The following UVSSA variants were observed in gnomAD, a reference collection of about 807,000 sequenced individuals.
UVSSA encodes the protein UV-stimulated scaffold protein A.
In UVSSA, 72 loss-of-function variants were observed where a neutral mutation model predicts 73.9. The observed-to-expected ratio is 0.97, with a 90% CI of 0.81 to 1.19. The LOEUF (loss-of-function observed/expected upper bound fraction) is 1.19, where lower values mean the gene tolerates loss of function less well. UVSSA is among the 50% of genes most tolerant of loss of function. The pLI is 0.00. For synonymous variants in UVSSA, 454 were observed against 391.3 expected, an observed-to-expected ratio of 1.16 and a Z score of -1.89; for missense variants, 1,150 against 965.0, an observed-to-expected ratio of 1.19 and a Z score of -2.54.
chr4:1,343,310 C>T (rs1174938215), upstream of UVSSA, among the ~76,000 whole-genome samples: 2 of 152,126 alleles, frequency 1.3e-5, no homozygotes, highest in Non-Finnish European at 2.9e-5. Flanking sequence ...ACGAGGACAT[C>T]AGTCCTATCA....
At chr4:1,394,428 A>C (rs1296591515) in exon 14 of UVSSA, 1 of 1,592,840 alleles carries the variant, frequency 6.3e-7, no homozygotes. Context: ...TCATTGATCT[A>C]CTTCTAGTTT....
At chr4:1,347,882 T>G (rs1450626914) in intron 1 of UVSSA, 122 bp downstream of exon 1, 3 of 553,606 alleles carry the variant, frequency 5.4e-6, no homozygotes, top group Non-Finnish European at 9.7e-6. Flanking sequence ...AGGTCCCGAG[T>G]TTAAGGTTCA....
chr4:1,380,991 A>C lies in UVSSA; in HGVS notation c.1861+3A>C. 1 of 1,611,398 alleles carries C rather than the reference A, an allele frequency of 6.2e-7. No individual in the cohort carries two copies. Among genetic ancestry groups the C allele is most frequent in the South Asian group, 1.1e-5 (1 of 90,928 alleles). On this transcript the variant is annotated splice_donor_region_variant and intron_variant, in intron 12 of 13. Transcript: ENST00000389851. ...GCTGCAGAAGCAGGAGCGCCCGGGT[A>C]GGTCTGGGCAAGGCGGTCACCGTGG...
chr4:1,394,031 G>C (rs1272400282), exon 14 of UVSSA: 2 of 242,662 alleles, frequency 8.2e-6, no homozygotes, highest in East Asian at 2.1e-4. Context: ...CGGTTCTGCT[G>C]ACACGCAGTT....
chr4:1,378,651 G>A (rs997511444), intron 10 of UVSSA, among the ~76,000 whole-genome samples: 2 of 152,168 alleles, frequency 1.3e-5, no homozygotes, highest in African/African-American at 4.8e-5. Context: ...TGGCTGCTGT[G>A]CGCCGGCTCC....
At chr4:1,378,653 G>A (rs923347531) in intron 10 of UVSSA, among the ~76,000 whole-genome samples, 13 of 152,322 alleles carry the variant, frequency 8.5e-5, no homozygotes, top group African/African-American at 2.2e-4. Flanking sequence ...GCTGCTGTGC[G>A]CCGGCTCCTG....
chr4:1,376,665 G>C lies in UVSSA; in HGVS notation c.1568+497G>C, dbSNP rs535161110. ...CCCTCACCGCACTGGCCTCTTCTCT[G>C]TGAAGCTGCAGCAGAAGGGGGCACA... On this transcript the variant is annotated intron_variant, in intron 10 of 13. Transcript: ENST00000389851. Among the ~76,000 whole-genome samples, 14 of 152,328 alleles carry C rather than the reference G, an allele frequency of 9.2e-5. No individual in the cohort carries two copies. The East Asian group carries it at 2.5e-3, about 27-fold the overall frequency.
chr4:1,373,102 C>T (rs1489578946), intron 8 of UVSSA, among the ~76,000 whole-genome samples: 1 of 152,240 alleles, frequency 6.6e-6, no homozygotes, highest in Non-Finnish European at 1.5e-5. Flanking sequence ...TGAACTTCTC[C>T]TTCGGCACTT....
Position 1,376,057 on chromosome 4 carries a change from CA to C in UVSSA, c.1458del (p.Gln487ArgfsTer97). On this transcript the variant is annotated frameshift_variant, in exon 10 of 14. Coordinates refer to ENST00000389851, the MANE Select transcript of UVSSA (RefSeq NM_020894.4). LOFTEE classifies it high-confidence loss of function. ...SASPSRALPE[P>X]QEAQKLAAER... ...AGCCCCTCCAGAGCGTTGCCAGAGC[CA>C]CAGGAGGCCCAGAAGCTGGCAGCAG... The C allele has an allele frequency of 6.3e-7, 1 of 1,599,772 alleles. No individual in the cohort carries two copies. The highest frequency in any genetic ancestry group is 8.5e-7 in the Non-Finnish European group (1 of 1,174,140).
At chr4:1,369,888 G>A (rs532812931) in intron 8 of UVSSA, among the ~76,000 whole-genome samples, 1 of 152,368 alleles carries the variant, frequency 6.6e-6, no homozygotes, top group South Asian at 2.1e-4. Flanking sequence ...GAGACGCCGT[G>A]CGGGCAAGGC....
At chr4:1,368,300 G>C (rs1560462027) in intron 8 of UVSSA, among the ~76,000 whole-genome samples, 1 of 152,264 alleles carries the variant, frequency 6.6e-6, no homozygotes, top group Non-Finnish European at 1.5e-5. Flanking sequence ...ACACATCTTA[G>C]ACGGGGTGAC....
chr4:1,383,653 A>G (rs541170656), intron 12 of UVSSA, 113 bp from the exon 13 acceptor site: 2 of 1,349,626 alleles, frequency 1.5e-6, no homozygotes, highest in East Asian at 2.3e-5. Context: ...GCCGTGGGCA[A>G]GGCGACCCAG....
At chr4:1,372,309 A>G (rs1718150164) in intron 8 of UVSSA, among the ~76,000 whole-genome samples, 1 of 152,180 alleles carries the variant, frequency 6.6e-6, no homozygotes, top group South Asian at 2.1e-4. Flanking sequence ...AGTCTTCAAA[A>G]GACACATCTG....
At position 1,383,835 on chromosome 4, in the gene UVSSA, A is replaced by G; in HGVS notation, c.1931A>G (p.Tyr644Cys). 6.2e-7 allele frequency: 1 copy of G among 1,613,498 alleles called. No individual in the cohort carries two copies. Among genetic ancestry groups the G allele is most frequent in the Non-Finnish European group, 8.5e-7 (1 of 1,179,996 alleles). Residue 644 changes from tyrosine to cysteine, a missense_variant, in exon 13 of 14, where the codon TAC becomes TGC. Coordinates refer to ENST00000389851, the MANE Select transcript of UVSSA (RefSeq NM_020894.4). ...GGGCAGGATCTCGGCTCATCCAGGT[A>G]CAGCGGGAAAGGCAGGGGGAAGAAG... ...ATGQDLGSSR[Y>C]SGKGRGKKRR...
intron 8 of UVSSA, among the ~76,000 whole-genome samples, chr4:1,367,419 G>T (rs551736848): frequency 3.3e-5 from 5 of 152,262 alleles, no homozygotes; most frequent in Admixed American, 2.0e-4. Context: ...ATGTAGATTT[G>T]TTAAGAGAAC....
chr4:1,395,747 G>A (rs764280082), exon 14 of UVSSA: 15 of 1,614,038 alleles, frequency 9.3e-6, no homozygotes, highest in African/African-American at 4.0e-5. Flanking sequence ...CTGTCCTGCC[G>A]GCCGAGTCAG....
At chr4:1,364,483 C>T (rs990827609) in intron 7 of UVSSA, among the ~76,000 whole-genome samples, 1 of 152,234 alleles carries the variant, frequency 6.6e-6, no homozygotes, top group Admixed American at 6.5e-5. Flanking sequence ...TCAGGCCCCT[C>T]TTCAGTTGTC....
chr4:1,348,332 G>A (rs2109048580), intron 2 of UVSSA, 143 bp downstream of exon 2: 3 of 657,684 alleles, frequency 4.6e-6, no homozygotes, highest in East Asian at 2.7e-5. Context: ...TGCAGTACCC[G>A]GCTCTGACGG....
intron 8 of UVSSA, among the ~76,000 whole-genome samples, chr4:1,368,458 G>T (rs1396534944): frequency 1.3e-5 from 2 of 152,232 alleles, no homozygotes; most frequent in Non-Finnish European, 2.9e-5. Flanking sequence ...AAGAGGTGAG[G>T]CTCCCCGGGC....
Sources: allele counts gnomAD v4.1 joint callset (sites outside exome capture counted in the v4.1 genomes callset), GRCh38; gene constraint gnomAD v4.1.1; transcripts MANE v1.5; gene names NCBI Gene and HGNC (gene_info 2026-07-23, HGNC 2026-07-21).